The following GRIA4 variants were observed in gnomAD, a reference collection of about 807,000 sequenced individuals.
GRIA4 encodes the protein glutamate ionotropic receptor AMPA type subunit 4.
A neutral mutation model predicts 104.0 loss-of-function variants in GRIA4; 34 were observed. That is an observed-to-expected ratio of 0.33 (90% confidence interval 0.25 to 0.44). The LOEUF is 0.44. Ranked by LOEUF, GRIA4 falls within the 20% of genes least tolerant of loss-of-function variation. The pLI is 1.00. For missense variants in GRIA4, 750 were observed against 1,096.5 expected, an observed-to-expected ratio of 0.68 and a Z score of 4.46; for synonymous variants, 386 against 381.9, an observed-to-expected ratio of 1.01 and a Z score of -0.13.
chr11:105,896,862 C>G (rs554550370), intron 6 of GRIA4, among the ~76,000 whole-genome samples: 18 of 151,996 alleles, frequency 1.2e-4, no homozygotes, highest in Non-Finnish European at 2.2e-4. Context: ...TGGCTTTGTT[C>G]ATTTTGCTTA....
rs1282709701 is a variant in GRIA4, at chr11:105,686,353, C to T, written c.248-66628C>T. On this transcript the variant is annotated intron_variant, in intron 3 of 16. Coordinates refer to ENST00000282499, the MANE Select transcript of GRIA4 (RefSeq NM_000829.4). Reference sequence around the variant, plus strand: ...GGTTTAATGTTCCTGCGTTAATTCACTTAAGCTAGTGGCTTCCAGCTGCAT... The same window carrying T: ...GGTTTAATGTTCCTGCGTTAATTCATTTAAGCTAGTGGCTTCCAGCTGCAT... Among the ~76,000 whole-genome samples, 6 of 152,318 alleles carry T rather than the reference C, an allele frequency of 3.9e-5. No homozygotes were observed. In the East Asian group the frequency reaches 5.8e-4, roughly 15 times the overall value.
At chr11:105,899,499 T>C (rs2136131903) in intron 7 of GRIA4, among the ~76,000 whole-genome samples, 1 of 152,364 alleles carries the variant, frequency 6.6e-6, no homozygotes. Flanking sequence ...GTCTATGCTA[T>C]AGCTTTGTTC....
chr11:105,890,070 T>G (rs1946405130), intron 6 of GRIA4, among the ~76,000 whole-genome samples: 1 of 152,142 alleles, frequency 6.6e-6, no homozygotes, highest in Non-Finnish European at 1.5e-5. Flanking sequence ...TATTCTGTAG[T>G]CATAATGTAG....
intron 4 of GRIA4, among the ~76,000 whole-genome samples, chr11:105,754,702 T>C (rs1228484263): frequency 6.6e-6 from 1 of 152,212 alleles, no homozygotes. Context: ...ACTAGACTCA[T>C]AGCAACATAT....
At chr11:105,656,729 T>C (rs577867419) in intron 3 of GRIA4, among the ~76,000 whole-genome samples, 15 of 152,094 alleles carry the variant, frequency 9.9e-5, no homozygotes, top group East Asian at 1.9e-4. Context: ...ATAATCTTCA[T>C]TGAAATGATC....
chr11:105,636,197 AT>A (rs1458225340), intron 3 of GRIA4, among the ~76,000 whole-genome samples: 1 of 152,214 alleles, frequency 6.6e-6, no homozygotes, highest in African/African-American at 2.4e-5. Context: ...GATTTTTCAA[AT>A]TGGATGTCTA....
chr11:105,666,779 T>C (rs1194737526), intron 3 of GRIA4, among the ~76,000 whole-genome samples: 1 of 151,984 alleles, frequency 6.6e-6, no homozygotes, highest in Non-Finnish European at 1.5e-5. Context: ...GTGCCTTGCA[T>C]GAAACATTAT....
At chr11:105,893,526 C>T (rs1473506406) in intron 6 of GRIA4, among the ~76,000 whole-genome samples, 1 of 152,116 alleles carries the variant, frequency 6.6e-6, no homozygotes, top group Non-Finnish European at 1.5e-5. Flanking sequence ...TCATTGAAAT[C>T]ATAACTGACA....
intron 7 of GRIA4, among the ~76,000 whole-genome samples, chr11:105,900,771 G>A (rs1946826304): frequency 6.6e-6 from 1 of 151,916 alleles, no homozygotes; most frequent in South Asian, 2.1e-4. Context: ...TGTATTTTTA[G>A]TATAGACGGG....
At chr11:105,802,197 A>C (rs1309776229) in intron 4 of GRIA4, among the ~76,000 whole-genome samples, 2 of 152,116 alleles carry the variant, frequency 1.3e-5, no homozygotes, top group Admixed American at 1.3e-4. Flanking sequence ...AAGAACAGAA[A>C]TTAGCCCAAA....
At chr11:105,889,376 AAC>A (rs1192248094) in intron 6 of GRIA4, among the ~76,000 whole-genome samples, 3 of 152,208 alleles carry the variant, frequency 2.0e-5, no homozygotes, top group Admixed American at 2.0e-4. Context: ...ATATCTTTGT[AAC>A]ACATGATTAG....
intron 4 of GRIA4, among the ~76,000 whole-genome samples, chr11:105,852,934 G>A (rs1944870376): frequency 6.7e-6 from 1 of 148,650 alleles, no homozygotes; most frequent in African/African-American, 2.5e-5. Flanking sequence ...TTGGCTTTGT[G>A]TATAAAAGCC....
chr11:105,735,616 T>TA (rs1938887108), intron 3 of GRIA4, among the ~76,000 whole-genome samples: 2 of 152,198 alleles, frequency 1.3e-5, no homozygotes, highest in South Asian at 2.1e-4. Flanking sequence ...ATGGACTTTT[T>TA]ATCTCTACTT....
chr11:105,961,787 A>T (rs1948750477), intron 14 of GRIA4, among the ~76,000 whole-genome samples: 3 of 152,244 alleles, frequency 2.0e-5, no homozygotes, highest in Admixed American at 2.0e-4. Flanking sequence ...ACTTTCTTAT[A>T]AGGATAATAA....
At chr11:105,727,494 C>A (rs761447078) in intron 3 of GRIA4, among the ~76,000 whole-genome samples, 1 of 152,054 alleles carries the variant, frequency 6.6e-6, no homozygotes, top group Non-Finnish European at 1.5e-5. Flanking sequence ...CATAGCAAGA[C>A]AGGCCAACAT....
chr11:105,965,894 T>A (rs1858338272), intron 14 of GRIA4: 1 of 1,240,810 alleles, frequency 8.1e-7, no homozygotes, highest in African/African-American at 1.5e-5. Flanking sequence ...TCATTCCTTC[T>A]AACATCTTAA....
At chr11:105,638,784 A>T (rs1951279326) in intron 3 of GRIA4, among the ~76,000 whole-genome samples, 1 of 151,806 alleles carries the variant, frequency 6.6e-6, no homozygotes, top group South Asian at 2.1e-4. Flanking sequence ...GAATTACTTT[A>T]TTTCTTTTTC....
At chr11:105,913,575 T>G in intron 10 of GRIA4, 3 of 760,584 alleles carry the variant, frequency 3.9e-6, no homozygotes, top group Non-Finnish European at 4.8e-6. Flanking sequence ...GCCAAATCTA[T>G]TCCATGTGGT....
At chr11:105,804,666 T>C (rs553916776) in intron 4 of GRIA4, among the ~76,000 whole-genome samples, 7 of 152,084 alleles carry the variant, frequency 4.6e-5, no homozygotes, top group African/African-American at 1.7e-4. Context: ...ATTTATTTTA[T>C]ATGGATGATT....
Sources: gnomAD v4.1 joint callset for allele counts (sites outside exome capture counted in the v4.1 genomes callset) on GRCh38, gnomAD v4.1.1 for gene constraint, MANE v1.5 for transcripts, NCBI Gene and HGNC (gene_info 2026-07-23, HGNC 2026-07-21) for gene names.